SRD5A2: variants seen among roughly 807,000 people sequenced by gnomAD.
The protein encoded by SRD5A2 is steroid 5 alpha-reductase 2, also known as 3-oxo-5-alpha-steroid 4-dehydrogenase 2.
Under a neutral mutation model 27.4 loss-of-function variants are expected in SRD5A2, and 30 were observed. That is an observed-to-expected ratio of 1.10 (90% CI 0.82 to 1.49). The LOEUF (loss-of-function observed/expected upper bound fraction) is 1.49. SRD5A2 is among the 40% of genes most tolerant of loss of function. The probability of loss-of-function intolerance (pLI) is 0.00; values close to 1 mark genes in which losing one functional copy is unlikely to be tolerated. For missense variants in SRD5A2, 348 were observed against 323.4 expected (o/e 1.08, Z -0.58); for synonymous variants, 141 against 133.6 (o/e 1.06, Z -0.38).
chr2:31,529,405 T>C lies in SRD5A2; in HGVS notation c.600A>G (p.Glu200=). The C allele has an allele frequency of 1.9e-6, 3 of 1,613,928 alleles. No individual in the cohort carries two copies. The highest frequency in any genetic ancestry group is 1.7e-6 in the Non-Finnish European group (2 of 1,179,826). The change falls in exon 4 of 5, where the codon GAA becomes GAG. Residue 200 remains glutamate, a synonymous_variant. Transcript: ENST00000622030. ...SGANFLGEII[E]WIGYALATWS... ...AAGTGGCCAGGGCATAGCCGATCCATTCAATGATCTCACCGAGGAAATTGG... is the reference window on the plus strand; with the variant it reads ...AAGTGGCCAGGGCATAGCCGATCCACTCAATGATCTCACCGAGGAAATTGG...
chr2:31,608,023 G>C, the SRD5A2 span, among the ~76,000 whole-genome samples: 1 of 152,072 alleles, frequency 6.6e-6, no homozygotes, highest in South Asian at 2.1e-4. Flanking sequence ...TGACCCTGTT[G>C]GCACCTTGAC....
intron 1 of SRD5A2, among the ~76,000 whole-genome samples, chr2:31,535,910 C>T (rs1441746491): frequency 1.3e-5 from 2 of 152,254 alleles, no homozygotes; most frequent in South Asian, 4.1e-4. Context: ...AGGTCAGGCT[C>T]GAAGGATTTC....
At chr2:31,604,295 C>A in the SRD5A2 span, among the ~76,000 whole-genome samples, 2 of 151,370 alleles carry the variant, frequency 1.3e-5, no homozygotes, top group African/African-American at 4.8e-5. Flanking sequence ...ATTGGATGGA[C>A]AAGAGAAAGA....
At chr2:31,531,054 T>A (rs1224877352) in intron 3 of SRD5A2, among the ~76,000 whole-genome samples, 1 of 152,220 alleles carries the variant, frequency 6.6e-6, no homozygotes, top group Non-Finnish European at 1.5e-5. Context: ...CCTCTGTACA[T>A]GACAACCTTA....
chr2:31,554,437 T>A (rs908811466), intron 1 of SRD5A2, among the ~76,000 whole-genome samples: 7 of 152,244 alleles, frequency 4.6e-5, no homozygotes, highest in African/African-American at 1.4e-4. Flanking sequence ...TGGAGACAAC[T>A]TGGAGAAAGA....
the SRD5A2 span, among the ~76,000 whole-genome samples, chr2:31,636,511 T>C: frequency 6.6e-6 from 1 of 152,184 alleles, no homozygotes; most frequent in African/African-American, 2.4e-5. Context: ...CTTCCACTAT[T>C]ATGTTGAATA....
the SRD5A2 span, among the ~76,000 whole-genome samples, chr2:31,647,583 TAA>T: frequency 6.6e-6 from 1 of 152,224 alleles, no homozygotes; most frequent in African/African-American, 2.4e-5. Flanking sequence ...ATAAATGCTA[TAA>T]TATTCAAAAG....
At chr2:31,542,105 T>C (rs1448972444) in intron 1 of SRD5A2, among the ~76,000 whole-genome samples, 1 of 152,194 alleles carries the variant, frequency 6.6e-6, no homozygotes, top group African/African-American at 2.4e-5. Flanking sequence ...AGGAAGTGCT[T>C]GTGCCATTCC....
upstream of SRD5A2, among the ~76,000 whole-genome samples, chr2:31,583,874 G>A (rs1667130898): frequency 6.6e-6 from 1 of 151,978 alleles, no homozygotes; most frequent in African/African-American, 2.4e-5. Context: ...AAGACCACAT[G>A]GAGAAGCACC....
intron 1 of SRD5A2, among the ~76,000 whole-genome samples, chr2:31,573,810 T>C (rs1666899838): frequency 6.6e-6 from 1 of 152,192 alleles, no homozygotes; most frequent in Admixed American, 6.5e-5. Context: ...GCCATGATCA[T>C]AGCTAATTAT....
chr2:31,561,614 C>T (rs891892185), intron 1 of SRD5A2, among the ~76,000 whole-genome samples: 1 of 152,080 alleles, frequency 6.6e-6, no homozygotes, highest in African/African-American at 2.4e-5. Context: ...ACTGGGAGAC[C>T]TTGGAACTGT....
intron 1 of SRD5A2, among the ~76,000 whole-genome samples, chr2:31,558,963 G>A (rs563209527): frequency 6.6e-6 from 1 of 152,178 alleles, no homozygotes; most frequent in Non-Finnish European, 1.5e-5. Flanking sequence ...TTCCAAATAA[G>A]GTCATAGTCT....
chr2:31,527,396 T>C (rs948778652), intron 4 of SRD5A2, among the ~76,000 whole-genome samples: 3 of 152,176 alleles, frequency 2.0e-5, no homozygotes, highest in African/African-American at 7.2e-5. Context: ...GTGGGCTGCC[T>C]CCGCCCGTGC....
intron 1 of SRD5A2, among the ~76,000 whole-genome samples, chr2:31,580,414 T>C (rs1667047638): frequency 6.6e-6 from 1 of 152,200 alleles, no homozygotes; most frequent in Admixed American, 6.5e-5. Flanking sequence ...AGGCGGCGTC[T>C]GTGCCGCAGC....
intron 3 of SRD5A2, among the ~76,000 whole-genome samples, chr2:31,530,656 G>T (rs796227538): frequency 1.2e-4 from 18 of 152,104 alleles, no homozygotes; most frequent in African/African-American, 4.1e-4. Context: ...GAAATTTTTT[G>T]ATGTAAATAA....
chr2:31,619,455 C>T, the SRD5A2 span, among the ~76,000 whole-genome samples: 2 of 152,038 alleles, frequency 1.3e-5, no homozygotes, highest in Admixed American at 1.3e-4. Flanking sequence ...GGTATATATC[C>T]GGTAATGGGA....
In SRD5A2 at chr2:31,580,635, A is replaced by G. The variant is rs1321956713; in HGVS notation, c.266T>C (p.Leu89Pro). The change falls in exon 1 of 5, where the codon CTA (leucine) becomes CCA (proline). Residue 89 changes from leucine to proline, a missense_variant. Coordinates refer to ENST00000622030, the MANE Select transcript of SRD5A2 (RefSeq NM_000348.4). ...PGTVLLGLFC[L>P]HYFHRTFVYS... Reference sequence around the variant, plus strand: ...AAAACGCTACCTGTGGAAGTAATGTAGGCAGAAGAGGCCCAGAAGTACCGT... The same window carrying G: ...AAAACGCTACCTGTGGAAGTAATGTGGGCAGAAGAGGCCCAGAAGTACCGT... The G allele has an allele frequency of 1.9e-6, 3 of 1,576,580 alleles. No individual in the cohort carries two copies. The highest frequency in any genetic ancestry group is 1.7e-6 in the Non-Finnish European group (2 of 1,168,096).
At chr2:31,564,728 C>T (rs149850467) in intron 1 of SRD5A2, among the ~76,000 whole-genome samples, 169 of 151,978 alleles carry the variant, frequency 1.1e-3, no homozygotes, top group South Asian at 8.1e-3. Context: ...GCAAACAAGA[C>T]GACAGTGAAA....
At chr2:31,628,344 A>T in the SRD5A2 span, among the ~76,000 whole-genome samples, 1 of 151,890 alleles carries the variant, frequency 6.6e-6, no homozygotes, top group Non-Finnish European at 1.5e-5. Flanking sequence ...TCATCCCTCT[A>T]CTTTGAGCCT....
Sources: gnomAD v4.1 joint callset for allele counts (sites outside exome capture counted in the v4.1 genomes callset) on GRCh38, gnomAD v4.1.1 for gene constraint, MANE v1.5 for transcripts, NCBI Gene and HGNC (gene_info 2026-07-23, HGNC 2026-07-21) for gene names.